CIMAP3: variants seen among roughly 807,000 people sequenced by gnomAD.
CIMAP3 encodes ciliary microtubule-associated protein 3.
At chr1:111,338,673 A>G in the CIMAP3 span, among the ~76,000 whole-genome samples, 2 of 152,146 alleles carry the variant, frequency 1.3e-5, no homozygotes, top group African/African-American at 4.8e-5. Context: ...GAATCTCTAA[A>G]TGGACCAATA....
chr1:111,334,245 C>T, the CIMAP3 span, among the ~76,000 whole-genome samples: 1 of 151,886 alleles, frequency 6.6e-6, no homozygotes, highest in African/African-American at 2.4e-5. Context: ...CAAAGATATA[C>T]CAAGAAAGAA....
chr1:111,332,865 C>A, the CIMAP3 span, among the ~76,000 whole-genome samples: 1 of 152,076 alleles, frequency 6.6e-6, no homozygotes, highest in Admixed American at 6.5e-5. Flanking sequence ...CCTCCAGGGG[C>A]GGCCTGTGAA....
At chr1:111,349,407 GGCC>G in the CIMAP3 span, 1 of 152,460 alleles carries the variant, frequency 6.6e-6, no homozygotes, top group South Asian at 2.1e-4. Context: ...GGAGCACATA[GGCC>G]TTGCAGGCCA....
At chr1:111,337,965 A>C in the CIMAP3 span, among the ~76,000 whole-genome samples, 1 of 150,130 alleles carries the variant, frequency 6.7e-6, no homozygotes. Context: ...TCCTCAGCAA[A>C]TGTAAAAGAA....
the CIMAP3 span, chr1:111,346,770 C>T: frequency 6.4e-7 from 1 of 1,558,780 alleles, no homozygotes; most frequent in Non-Finnish European, 8.8e-7. Context: ...GTTCGCCCCC[C>T]TCCAGGAGTT....
chr1:111,337,779 C>A, the CIMAP3 span, among the ~76,000 whole-genome samples: 1 of 152,284 alleles, frequency 6.6e-6, no homozygotes, highest in African/African-American at 2.4e-5. Context: ...CAGCATTAGA[C>A]AGATCAATGA....
the CIMAP3 span, chr1:111,349,555 G>A: frequency 6.6e-6 from 1 of 152,442 alleles, no homozygotes; most frequent in South Asian, 2.1e-4. Flanking sequence ...TTGCATTAAG[G>A]AAGTAGAAGC....
chr1:111,350,364 A>G, the CIMAP3 span: 3 of 677,030 alleles, frequency 4.4e-6, no homozygotes, highest in Non-Finnish European at 5.1e-6. Flanking sequence ...TTTTGTGTGT[A>G]TATGAATCTG....
the CIMAP3 span, among the ~76,000 whole-genome samples, chr1:111,328,089 C>G: frequency 6.6e-6 from 1 of 152,122 alleles, no homozygotes; most frequent in Non-Finnish European, 1.5e-5. Context: ...TGATTTCTGC[C>G]TTAATTTCAT....
At chr1:111,352,892 ACT>A in the CIMAP3 span, 1 of 152,196 alleles carries the variant, frequency 6.6e-6, no homozygotes, top group Non-Finnish European at 1.5e-5. Context: ...AGGGAAAGGA[ACT>A]CTCTAAAATA....
chr1:111,335,148 AAAAAAGAC>A, the CIMAP3 span, among the ~76,000 whole-genome samples: 12 of 139,708 alleles, frequency 8.6e-5, 3 homozygotes, highest in Non-Finnish European at 1.7e-4. Flanking sequence ...AAAAAAAAAA[AAAAAAGAC>A]AGAAAAAAAA....
the CIMAP3 span, among the ~76,000 whole-genome samples, chr1:111,325,665 G>A: frequency 6.6e-6 from 1 of 151,890 alleles, no homozygotes; most frequent in African/African-American, 2.4e-5. Flanking sequence ...ATAAAGTAAA[G>A]GAGAAAAAAT....
At chr1:111,342,899 G>A in the CIMAP3 span, among the ~76,000 whole-genome samples, 167 of 152,132 alleles carry the variant, frequency 1.1e-3, 1 homozygote, top group Non-Finnish European at 1.7e-3. Flanking sequence ...TTCACTTCTC[G>A]TGGCCCTGGC....
the CIMAP3 span, chr1:111,324,682 T>G: frequency 2.0e-6 from 2 of 981,850 alleles, no homozygotes; most frequent in Non-Finnish European, 2.4e-6. Context: ...CTTCATTTTC[T>G]TGGTTAAAGT....
At chr1:111,351,176 T>TG in the CIMAP3 span, 1 of 939,980 alleles carries the variant, frequency 1.1e-6, no homozygotes, top group East Asian at 2.8e-5. Flanking sequence ...GTTTTTTTTT[T>TG]TTTTTTTTTT....
At chr1:111,348,508 G>A in the CIMAP3 span, 3 of 1,589,850 alleles carry the variant, frequency 1.9e-6, no homozygotes, top group African/African-American at 4.1e-5. Context: ...TCTTTTTCTT[G>A]GAAACAGGAA....
the CIMAP3 span, chr1:111,348,751 G>A: frequency 2.0e-5 from 23 of 1,150,882 alleles, no homozygotes; most frequent in Non-Finnish European, 2.3e-5. Context: ...CCAAACCATC[G>A]CAGTTAAATA....
chr1:111,336,517 C>T, the CIMAP3 span, among the ~76,000 whole-genome samples: 5 of 152,252 alleles, frequency 3.3e-5, no homozygotes, highest in South Asian at 1.0e-3. Flanking sequence ...GCTGATGGAG[C>T]TGAAAGCCAA....
At chr1:111,345,333 G>A in the CIMAP3 span, among the ~76,000 whole-genome samples, 10 of 152,064 alleles carry the variant, frequency 6.6e-5, no homozygotes, top group South Asian at 4.2e-4. Context: ...TTATATTACT[G>A]GGCTTTCTGC....
Sources: allele counts gnomAD v4.1 joint callset (sites outside exome capture counted in the v4.1 genomes callset), GRCh38; gene constraint gnomAD v4.1.1; transcripts MANE v1.5; gene names NCBI Gene and HGNC (gene_info 2026-07-23, HGNC 2026-07-21).